Variants in PRSS48 observed in about 807,000 individuals in gnomAD.
The protein encoded by PRSS48 is epidermis-specific serine protease-like protein.
In PRSS48, 21 loss-of-function variants were observed where a neutral mutation model predicts 25.6. That is an observed-to-expected ratio of 0.82 (90% CI 0.58 to 1.18). The LOEUF is 1.18. Ranked by LOEUF, PRSS48 falls within the 50% of genes most tolerant of loss-of-function variation. The pLI, the probability that PRSS48 is intolerant of heterozygous loss-of-function variation, is 0.00. For missense variants in PRSS48, 373 were observed against 399.3 expected, an observed-to-expected ratio of 0.93 and a Z score of 0.56; for synonymous variants, 150 against 149.3, an observed-to-expected ratio of 1.00 and a Z score of -0.04.
intron 2 of PRSS48, among the ~76,000 whole-genome samples, chr4:151,281,445 G>A (rs1171442207): frequency 6.6e-6 from 1 of 152,142 alleles, no homozygotes; most frequent in African/African-American, 2.4e-5. Flanking sequence ...TAGGAGGATG[G>A]GTGGAATGGA....
intron 4 of PRSS48, 31 bp from the exon 5 acceptor site, chr4:151,291,087 C>G: frequency 6.6e-7 from 1 of 1,525,282 alleles, no homozygotes; most frequent in Non-Finnish European, 9.0e-7. Context: ...CCTCTTTTCA[C>G]TATGCTCATT....
rs367762580 is a variant in PRSS48 at position 151,279,777 on chromosome 4, C to T, written c.53-19C>T. 6.6e-5 allele frequency: 106 copies of T among 1,612,404 alleles called. No homozygotes were observed. Among genetic ancestry groups the T allele is most frequent in the Non-Finnish European group, 9.0e-5 (106 of 1,179,008 alleles). The stretch of plus-strand genomic sequence containing the variant: ...AGGACTCCTAGGTTTCCACATTTCC[C>T]TTTCTTCTCTTTCTCTAGTGTGTGG... On this transcript the variant is annotated intron_variant, in intron 1 of 4. Transcript: ENST00000455694.
chr4:151,286,184 G>GAAAAAAAAAAAAAAAAAA (rs56850648), intron 4 of PRSS48, among the ~76,000 whole-genome samples: 3 of 86,624 alleles, frequency 3.5e-5, no homozygotes, highest in Non-Finnish European at 6.1e-5. Context: ...CTGTCTTAAA[G>GAAAAAAAAAAAAAAAAAA]AAAAAAAAAA....
chr4:151,281,719 C>G (rs898421205), intron 2 of PRSS48, among the ~76,000 whole-genome samples: 1 of 151,908 alleles, frequency 6.6e-6, no homozygotes, highest in Non-Finnish European at 1.5e-5. Context: ...ATCAAATTAC[C>G]TGGCATTTTA....
intron 4 of PRSS48, among the ~76,000 whole-genome samples, chr4:151,288,006 A>T (rs1350876288): frequency 3.3e-5 from 5 of 152,172 alleles, no homozygotes; most frequent in Non-Finnish European, 7.3e-5. Context: ...ATGTTCTTAG[A>T]ATAAAGAGCA....
At chr4:151,286,464 A>G (rs992982192) in intron 4 of PRSS48, among the ~76,000 whole-genome samples, 2 of 151,702 alleles carry the variant, frequency 1.3e-5, no homozygotes, top group Non-Finnish European at 2.9e-5. Flanking sequence ...ACTATGAATA[A>G]CAGTATGCCA....
intron 4 of PRSS48, among the ~76,000 whole-genome samples, chr4:151,287,262 AC>A (rs1309457098): frequency 6.7e-6 from 1 of 148,636 alleles, no homozygotes; most frequent in Non-Finnish European, 1.5e-5. Context: ...AATCACTTGA[AC>A]CCGGGAGGCA....
At chr4:151,291,355 C>T in exon 5 of PRSS48, 2 of 1,613,954 alleles carry the variant, frequency 1.2e-6, no homozygotes, top group Non-Finnish European at 1.7e-6. Context: ...TGCCTTTGGA[C>T]CTAACACTAT....
exon 4 of PRSS48, chr4:151,283,177 G>A: frequency 6.2e-7 from 1 of 1,613,922 alleles, no homozygotes; most frequent in Non-Finnish European, 8.5e-7. Flanking sequence ...CGCCAGGCTT[G>A]TGAACAGCTC....
intron 4 of PRSS48, among the ~76,000 whole-genome samples, chr4:151,288,635 C>T (rs1318783151): frequency 6.6e-6 from 1 of 151,660 alleles, no homozygotes; most frequent in African/African-American, 2.4e-5. Context: ...CGCCACTGCA[C>T]TCCAGCCTGG....
chr4:151,283,255 G>A, exon 4 of PRSS48: 2 of 1,613,704 alleles, frequency 1.2e-6, no homozygotes, highest in Non-Finnish European at 1.7e-6. Flanking sequence ...ATTTGTGCTG[G>A]TGATACTCAA....
In PRSS48 at chr4:151,283,392, T is replaced by G. The variant is rs566964594; in HGVS notation, c.651+106T>G. On this transcript the variant is annotated intron_variant, in intron 4 of 4. Coordinates refer to ENST00000455694, the Ensembl canonical transcript of PRSS48. The stretch of plus-strand genomic sequence containing the variant: ...TGGATTGGGAGTCAGGAGATGAGGG[T>G]TCTAAGAATAACTCTTATGTTACCC... 2.7e-5 allele frequency: 26 copies of G among 961,282 alleles called. No individual in the cohort carries two copies. In the Admixed American group the frequency reaches 5.5e-4, roughly 20 times the overall value. The allele number at this position is 961,282 out of a possible 1,614,324, so 59.5% of individuals were successfully genotyped here. A position where few individuals can be genotyped will look rare whatever the true frequency, so the allele number is the denominator to read the frequency against.
chr4:151,281,257 T>G (rs375152212), intron 2 of PRSS48, among the ~76,000 whole-genome samples: 1 of 152,134 alleles, frequency 6.6e-6, no homozygotes, highest in African/African-American at 2.4e-5. Flanking sequence ...AGACTGGTGA[T>G]GGGTATAAAG....
exon 3 of PRSS48, chr4:151,282,155 A>C: frequency 6.2e-7 from 1 of 1,613,692 alleles, no homozygotes; most frequent in Non-Finnish European, 8.5e-7. Flanking sequence ...TAGGACCTGG[A>C]CTACTTTTTC....
intron 3 of PRSS48, among the ~76,000 whole-genome samples, 153 bp downstream of exon 3, chr4:151,282,566 CTTT>C (rs1177960306): frequency 6.6e-6 from 1 of 152,094 alleles, no homozygotes; most frequent in African/African-American, 2.4e-5. Flanking sequence ...AATAAAATAT[CTTT>C]TTTGACATTT....
At chr4:151,284,342 ACATTTT>A (rs1383615222) in intron 4 of PRSS48, among the ~76,000 whole-genome samples, 5 of 152,124 alleles carry the variant, frequency 3.3e-5, no homozygotes, top group African/African-American at 1.2e-4. Context: ...GCTGTCATTT[ACATTTT>A]AAGTCCATCT....
At chr4:151,278,931 T>A (rs1561424633) in intron 1 of PRSS48, 1 of 185,422 alleles carries the variant, frequency 5.4e-6, no homozygotes, top group Non-Finnish European at 1.1e-5. Context: ...CTGTGCCCAG[T>A]CAATCTTACC....
intron 4 of PRSS48, among the ~76,000 whole-genome samples, chr4:151,289,414 G>A (rs563471989): frequency 6.6e-6 from 1 of 152,190 alleles, no homozygotes; most frequent in African/African-American, 2.4e-5. Flanking sequence ...ATGCTTCAAT[G>A]GACACCATCA....
exon 3 of PRSS48, chr4:151,282,255 A>G: frequency 6.2e-7 from 1 of 1,613,968 alleles, no homozygotes; most frequent in East Asian, 2.2e-5. Context: ...CATCCCAAGT[A>G]CCAAGATACA....
Sources: allele counts gnomAD v4.1 joint callset (sites outside exome capture counted in the v4.1 genomes callset), GRCh38; gene constraint gnomAD v4.1.1; transcripts MANE v1.5; gene names NCBI Gene and HGNC (gene_info 2026-07-23, HGNC 2026-07-21).